Variants in CTNNA2 observed in about 807,000 individuals in gnomAD.
CTNNA2 encodes the protein catenin alpha-2.
CTNNA2 carries 42 observed loss-of-function variants against 101.0 expected under a neutral mutation model. The observed-to-expected ratio is 0.42, with a 90% CI of 0.32 to 0.54. The LOEUF is 0.54. CTNNA2 is among the 20% of genes least tolerant of loss of function. The pLI is 0.14. For synonymous variants in CTNNA2, 450 were observed against 456.4 expected, an observed-to-expected ratio of 0.99 and a Z score of 0.18; for missense variants, 871 against 1,223.1, an observed-to-expected ratio of 0.71 and a Z score of 4.29.
At chr2:80,467,607 A>T (rs138134734) in intron 9 of CTNNA2, among the ~76,000 whole-genome samples, 25 of 152,328 alleles carry the variant, frequency 1.6e-4, no homozygotes, top group African/African-American at 5.1e-4. Flanking sequence ...TGCAATGCTG[A>T]CTTGACATTT....
intron 2 of CTNNA2, among the ~76,000 whole-genome samples, chr2:79,216,711 T>C (rs1035127381): frequency 2.1e-5 from 3 of 143,482 alleles, no homozygotes; most frequent in African/African-American, 8.0e-5. Flanking sequence ...GTTGGGGGGT[T>C]CTTGCCCCCT....
intron 2 of CTNNA2, among the ~76,000 whole-genome samples, chr2:79,307,416 C>A (rs1289809122): frequency 6.6e-6 from 1 of 152,140 alleles, no homozygotes; most frequent in Non-Finnish European, 1.5e-5. Context: ...CTCTATTCTA[C>A]TTTTTACTTC....
chr2:80,373,685 G>A (rs1333636515), intron 7 of CTNNA2, among the ~76,000 whole-genome samples: 2 of 152,058 alleles, frequency 1.3e-5, no homozygotes, highest in African/African-American at 4.8e-5. Flanking sequence ...TTTCTAATAA[G>A]AGATGTAAGA....
chr2:80,647,076 G>C (rs1303608289), intron 18 of CTNNA2, among the ~76,000 whole-genome samples: 4 of 151,796 alleles, frequency 2.6e-5, no homozygotes, highest in Non-Finnish European at 5.9e-5. Context: ...GGTATACTGA[G>C]GACCTGTTAA....
chr2:79,537,718 A>G (rs574431881), intron 1 of CTNNA2, among the ~76,000 whole-genome samples: 3 of 152,230 alleles, frequency 2.0e-5, no homozygotes, highest in South Asian at 2.1e-4. Flanking sequence ...CCTTTAGACC[A>G]TAAATACTTA....
chr2:80,229,812 G>C (rs1301876085), intron 7 of CTNNA2, among the ~76,000 whole-genome samples: 3 of 152,188 alleles, frequency 2.0e-5, no homozygotes, highest in Non-Finnish European at 2.9e-5. Context: ...AAGGATGAAA[G>C]GGACTTATTA....
intron 7 of CTNNA2, among the ~76,000 whole-genome samples, chr2:80,240,075 G>A (rs1670795618): frequency 6.6e-6 from 1 of 152,154 alleles, no homozygotes; most frequent in African/African-American, 2.4e-5. Context: ...GTGCATAAGT[G>A]GGGACTACCA....
intron 7 of CTNNA2, among the ~76,000 whole-genome samples, chr2:80,100,529 T>C (rs1414864083): frequency 7.9e-5 from 12 of 151,228 alleles, no homozygotes; most frequent in Admixed American, 7.2e-4. Flanking sequence ...ACTATATTTG[T>C]TTTTTTTCAC....
rs140829000 is a variant in CTNNA2 at position 80,235,789 on chromosome 2, G to A, written c.1057-157422G>A. On this transcript the variant is annotated intron_variant, in intron 7 of 18. Coordinates refer to ENST00000402739, the MANE Select transcript of CTNNA2 (RefSeq NM_001282597.3). Reference sequence around the variant, plus strand: ...TAAATGCACATCAGTGGCTTCCTGTGTTTCTACTGCTTCTCTGATTTTTTC... The same window carrying A: ...TAAATGCACATCAGTGGCTTCCTGTATTTCTACTGCTTCTCTGATTTTTTC... Among the ~76,000 whole-genome samples the A allele has an allele frequency of 5.1e-3, 778 of 152,224 alleles. 8 individuals are homozygous for A. Among genetic ancestry groups the A allele is most frequent in the African/African-American group, 0.018 (728 of 41,540 alleles).
At chr2:79,347,731 TC>T (rs1479906746) in intron 3 of CTNNA2, among the ~76,000 whole-genome samples, 1 of 151,636 alleles carries the variant, frequency 6.6e-6, no homozygotes, top group Non-Finnish European at 1.5e-5. Flanking sequence ...ATCTGACCAC[TC>T]TAAAATACTC....
At chr2:80,270,196 T>G (rs1673352001) in intron 7 of CTNNA2, among the ~76,000 whole-genome samples, 2 of 152,358 alleles carry the variant, frequency 1.3e-5, no homozygotes, top group Non-Finnish European at 2.9e-5. Context: ...TCATTTATGC[T>G]TCCTGCTTAG....
At chr2:80,495,884 G>T (rs372163315) in intron 9 of CTNNA2, among the ~76,000 whole-genome samples, 1 of 140,792 alleles carries the variant, frequency 7.1e-6, no homozygotes, top group Non-Finnish European at 1.5e-5. Flanking sequence ...AGGTTTCAGT[G>T]AGCCGAGATT....
At chr2:79,416,642 C>T (rs1678485971) in intron 4 of CTNNA2, among the ~76,000 whole-genome samples, 1 of 152,078 alleles carries the variant, frequency 6.6e-6, no homozygotes, top group African/African-American at 2.4e-5. Flanking sequence ...AACTCACTTA[C>T]TTCCGGAAGG....
At chr2:80,130,807 G>GA (rs60036211) in intron 7 of CTNNA2, among the ~76,000 whole-genome samples, 2,741 of 149,432 alleles carry the variant, frequency 0.018, 84 homozygotes, top group African/African-American at 0.063. Flanking sequence ...AATGGAAAAA[G>GA]AAAAAAAAGA....
intron 1 of CTNNA2, among the ~76,000 whole-genome samples, chr2:79,513,660 T>A (rs1053517297): frequency 2.0e-5 from 3 of 148,398 alleles, no homozygotes; most frequent in Admixed American, 1.4e-4. Context: ...GGATGAAGGG[T>A]CAAGTTGGGT....
chr2:80,077,140 T>A (rs146804481), intron 7 of CTNNA2, among the ~76,000 whole-genome samples: 1 of 152,306 alleles, frequency 6.6e-6, no homozygotes, highest in Non-Finnish European at 1.5e-5. Flanking sequence ...ATGGAACAAC[T>A]GTAACTCTCA....
In CTNNA2 at chr2:79,536,794, C is replaced by T. The variant is rs532552005; in HGVS notation, c.-6+23587C>T. The stretch of plus-strand genomic sequence containing the variant: ...CTCACTCACTGCAACCTCTACCCCC[C>T]GGGTTCAAGGAGTTCTCCTGCCTCA... On this transcript the variant is annotated intron_variant, in intron 1 of 18. Coordinates refer to ENST00000402739, the MANE Select transcript of CTNNA2 (RefSeq NM_001282597.3). Among the ~76,000 whole-genome samples the T allele has an allele frequency of 5.3e-5, 8 of 150,262 alleles. No individual in the cohort carries two copies. In the East Asian group the frequency reaches 5.9e-4, roughly 11 times the overall value.
intron 4 of CTNNA2, among the ~76,000 whole-genome samples, chr2:79,862,914 T>C (rs1681730754): frequency 6.6e-6 from 1 of 152,196 alleles, no homozygotes; most frequent in South Asian, 2.1e-4. Context: ...GCTCACCAAA[T>C]TAAAAGTCCA....
intron 7 of CTNNA2, among the ~76,000 whole-genome samples, chr2:79,978,492 C>A (rs1196470722): frequency 6.6e-6 from 1 of 152,132 alleles, no homozygotes; most frequent in African/African-American, 2.4e-5. Context: ...CACTACTCCC[C>A]CTTCCCCACC....
Sources: allele counts gnomAD v4.1 joint callset (sites outside exome capture counted in the v4.1 genomes callset), GRCh38; gene constraint gnomAD v4.1.1; transcripts MANE v1.5; gene names NCBI Gene and HGNC (gene_info 2026-07-23, HGNC 2026-07-21).